PTPRN2: variants seen among roughly 807,000 people sequenced by gnomAD.
PTPRN2 encodes the protein protein tyrosine phosphatase receptor type N2.
PTPRN2 carries 74 observed loss-of-function variants against 118.8 expected under a neutral mutation model. The observed-to-expected ratio is 0.62, with a 90% CI of 0.52 to 0.76. The LOEUF is 0.76. Ranked by LOEUF, PTPRN2 falls within the 30% of genes least tolerant of loss-of-function variation. The pLI is 0.00. For synonymous variants in PTPRN2, 641 were observed against 608.0 expected, an observed-to-expected ratio of 1.05 and a Z score of -0.80; for missense variants, 1,481 against 1,394.4, an observed-to-expected ratio of 1.06 and a Z score of -0.99.
intron 14 of PTPRN2, among the ~76,000 whole-genome samples, chr7:157,650,458 C>T (rs571818651): frequency 4.4e-4 from 67 of 152,380 alleles, no homozygotes; most frequent in Middle Eastern, 6.8e-3. Context: ...AACGGCCTGC[C>T]GTGTCTGTGA....
chr7:158,389,265 T>C (rs1811740108), intron 2 of PTPRN2, among the ~76,000 whole-genome samples: 1 of 152,248 alleles, frequency 6.6e-6, no homozygotes, highest in African/African-American at 2.4e-5. Context: ...AAAGTTGTTT[T>C]TAAGATCAGC....
intron 3 of PTPRN2, among the ~76,000 whole-genome samples, chr7:158,257,100 G>T (rs1465590930): frequency 6.6e-6 from 1 of 152,150 alleles, no homozygotes. Flanking sequence ...TTGAAATGGA[G>T]TTGAATGAGG....
chr7:157,655,333 T>C (rs1806002125), intron 14 of PTPRN2, among the ~76,000 whole-genome samples: 1 of 152,210 alleles, frequency 6.6e-6, no homozygotes, highest in Non-Finnish European at 1.5e-5. Flanking sequence ...CAGCTGTTTG[T>C]CCCTGGAGCG....
At chr7:157,692,874 G>T (rs1403190779) in intron 12 of PTPRN2, among the ~76,000 whole-genome samples, 1 of 152,086 alleles carries the variant, frequency 6.6e-6, no homozygotes, top group African/African-American at 2.4e-5. Context: ...GCGGCGGGCA[G>T]GTCAGAGAGA....
chr7:158,515,269 C>T (rs1445910698), intron 1 of PTPRN2, among the ~76,000 whole-genome samples: 2 of 151,870 alleles, frequency 1.3e-5, no homozygotes, highest in East Asian at 1.9e-4. Flanking sequence ...TCACCGCAAC[C>T]TCTGCCTCCT....
intron 2 of PTPRN2, among the ~76,000 whole-genome samples, chr7:158,336,751 C>A (rs1396380343): frequency 9.7e-6 from 1 of 102,754 alleles, no homozygotes; most frequent in Non-Finnish European, 2.2e-5. Context: ...ACGTCACTCA[C>A]ACCCACAGTC....
chr7:157,673,370 A>C (rs1181525310), intron 13 of PTPRN2, among the ~76,000 whole-genome samples: 2 of 152,212 alleles, frequency 1.3e-5, no homozygotes, highest in East Asian at 3.8e-4. Flanking sequence ...CAGAAAAGCC[A>C]CGGAGACGTT....
At chr7:157,772,555 C>G (rs116630792) in intron 12 of PTPRN2, among the ~76,000 whole-genome samples, 1,863 of 152,294 alleles carry the variant, frequency 0.012, 38 homozygotes, top group African/African-American at 0.043. Flanking sequence ...CTCCTGCTCC[C>G]GGAACCGCCT....
chr7:158,171,062 T>TAC (rs71516469), intron 5 of PTPRN2, among the ~76,000 whole-genome samples: 111,871 of 129,540 alleles, frequency 0.86, 48,581 homozygotes, highest in African/African-American at 0.9. Context: ...TACACATATA[T>TAC]ACACATTATA....
intron 11 of PTPRN2, among the ~76,000 whole-genome samples, chr7:157,981,572 G>A (rs750686449): frequency 1.3e-5 from 2 of 149,162 alleles, no homozygotes; most frequent in Non-Finnish European, 3.0e-5. Flanking sequence ...ATTTAACAGG[G>A]AGTGATTCCA....
intron 11 of PTPRN2, among the ~76,000 whole-genome samples, chr7:157,939,241 T>C (rs1799904085): frequency 6.6e-6 from 1 of 152,180 alleles, no homozygotes; most frequent in Non-Finnish European, 1.5e-5. Context: ...TAGCGAGGTT[T>C]CCAGTATCCA....
chr7:157,770,147 A>G (rs1003945938), intron 12 of PTPRN2, among the ~76,000 whole-genome samples: 1 of 152,214 alleles, frequency 6.6e-6, no homozygotes, highest in African/African-American at 2.4e-5. Context: ...CAATTTAGAG[A>G]TGAAATTCTG....
rs141243683 is a variant in PTPRN2, at chr7:157,946,565, A to C, written c.1724-47828T>G. ...AGCTCCTGAGGGCACGTAAGCTTGCAGGAACAGGATGATCCTCCACCGGCT... is the reference window on the plus strand; with the variant it reads ...AGCTCCTGAGGGCACGTAAGCTTGCCGGAACAGGATGATCCTCCACCGGCT... On this transcript the variant is annotated intron_variant, in intron 11 of 22. Coordinates refer to ENST00000389418, the MANE Select transcript of PTPRN2 (RefSeq NM_002847.5). Among the ~76,000 whole-genome samples the C allele has an allele frequency of 3.0e-3, 452 of 152,370 alleles. 12 individuals carry two copies. In the South Asian group the frequency reaches 0.045, roughly 15 times the overall value.
chr7:157,895,811 G>A (rs370929475), intron 12 of PTPRN2, among the ~76,000 whole-genome samples: 4 of 152,230 alleles, frequency 2.6e-5, no homozygotes, highest in Admixed American at 6.5e-5. Context: ...GAATGTTTAC[G>A]CGTGCCCACT....
At chr7:157,738,512 C>A (rs1563057190) in intron 12 of PTPRN2, among the ~76,000 whole-genome samples, 1 of 152,202 alleles carries the variant, frequency 6.6e-6, no homozygotes, top group Admixed American at 6.5e-5. Context: ...CGCAGGCTGC[C>A]GGTGCTGGTC....
chr7:158,086,606 G>A (rs924078618), intron 10 of PTPRN2, among the ~76,000 whole-genome samples: 1 of 152,162 alleles, frequency 6.6e-6, no homozygotes, highest in South Asian at 2.1e-4. Context: ...CCAACGAAAA[G>A]CACAAAAAAT....
At chr7:158,159,489 C>T (rs535766656) in intron 6 of PTPRN2, among the ~76,000 whole-genome samples, 16 of 152,180 alleles carry the variant, frequency 1.1e-4, no homozygotes, top group African/African-American at 3.9e-4. Context: ...AAAAGTCAGT[C>T]GTCATGATGT....
chr7:158,340,948 A>G lies in PTPRN2; in HGVS notation c.164-24016T>C, dbSNP rs377548806. 3.4e-4 allele frequency among the ~76,000 whole-genome samples: 29 copies of G among 85,582 alleles called. No homozygotes were observed. The East Asian group carries it at 9.8e-3, about 29-fold the overall frequency. 56.1% of individuals were successfully genotyped at this position (85,582 alleles called of 152,430 possible). ...CGTCAATCACACTCACACTCTCACC[A>G]TAAGAGCTGACGCCCGCAGATGTCA... is the stretch of plus-strand genomic sequence containing the variant. On this transcript the variant is annotated intron_variant, in intron 2 of 22. Coordinates refer to ENST00000389418, the MANE Select transcript of PTPRN2 (RefSeq NM_002847.5).
At chr7:157,941,089 C>T (rs1563258778) in intron 11 of PTPRN2, among the ~76,000 whole-genome samples, 1 of 68,660 alleles carries the variant, frequency 1.5e-5, no homozygotes, top group Non-Finnish European at 3.0e-5. Context: ...ACACCCTCCC[C>T]CGTGACACTG....
Sources: allele counts gnomAD v4.1 joint callset (sites outside exome capture counted in the v4.1 genomes callset), GRCh38; gene constraint gnomAD v4.1.1; transcripts MANE v1.5; gene names NCBI Gene and HGNC (gene_info 2026-07-23, HGNC 2026-07-21).